TOP1: variants seen among roughly 807,000 people sequenced by gnomAD.
The protein encoded by TOP1 is DNA topoisomerase I, also known as DNA topoisomerase 1.
TOP1 carries 10 observed loss-of-function variants against 111.1 expected under a neutral mutation model. The observed-to-expected ratio is 0.09, with a 90% confidence interval of 0.06 to 0.15. The LOEUF is 0.15. Among genes scored for constraint, TOP1 ranks in the 10% least tolerant of loss-of-function variants. TOP1 has a pLI of 1.00. For missense variants in TOP1, 474 were observed against 926.7 expected, an observed-to-expected ratio of 0.51 and a Z score of 6.34; for synonymous variants, 271 against 302.9, an observed-to-expected ratio of 0.89 and a Z score of 1.10.
chr20:41,121,572 T>G lies in TOP1; in HGVS notation c.1951-124T>G, dbSNP rs1365134008. 1 of 758,144 alleles carries G rather than the reference T, an allele frequency of 1.3e-6. No individual in the cohort carries two copies. Among genetic ancestry groups the G allele is most frequent in the East Asian group, 2.5e-5 (1 of 40,592 alleles). 47.0% of individuals were successfully genotyped at this position (758,144 alleles called of 1,614,324 possible). A position where few individuals can be genotyped will look rare whatever the true frequency, so the allele number is the denominator to read the frequency against. The stretch of plus-strand genomic sequence containing the variant: ...CCTGCCTTCATGAAGCCACCCTTGT[T>G]TTTTTTTATCTGACAAACCACTGAC... On this transcript the variant is annotated intron_variant, in intron 18 of 20. Coordinates refer to ENST00000361337, the MANE Select transcript of TOP1 (RefSeq NM_003286.4). The surrounding 1 kb of genome is among the most constrained non-coding windows in gnomAD (Gnocchi z 4.2).
intron 9 of TOP1, among the ~76,000 whole-genome samples, chr20:41,093,022 T>A (rs1421924314): frequency 6.6e-6 from 1 of 152,242 alleles, no homozygotes; most frequent in Non-Finnish European, 1.5e-5. Context: ...CGAGGATTAA[T>A]AGTCTGCCAT....
intron 7 of TOP1, among the ~76,000 whole-genome samples, chr20:41,081,967 T>C (rs2033794301): frequency 6.6e-6 from 1 of 152,234 alleles, no homozygotes; most frequent in Non-Finnish European, 1.5e-5. Flanking sequence ...TTGTGGTAGA[T>C]TGAAAATAGA....
chr20:41,043,460 T>A (rs974263221), intron 2 of TOP1, among the ~76,000 whole-genome samples: 2 of 152,340 alleles, frequency 1.3e-5, no homozygotes, highest in African/African-American at 2.4e-5. Context: ...GAAAGGTTTC[T>A]TGTATTTCTA....
chr20:41,032,942 C>G lies in TOP1; in HGVS notation c.58+3487C>G, dbSNP rs2033138895. Among the ~76,000 whole-genome samples, 2 of 152,246 alleles carry G rather than the reference C, an allele frequency of 1.3e-5. No homozygotes were observed. The highest frequency in any genetic ancestry group is 1.3e-4 in the Admixed American group (2 of 15,290). On this transcript the variant is annotated intron_variant, in intron 2 of 20. Coordinates refer to ENST00000361337, the MANE Select transcript of TOP1 (RefSeq NM_003286.4). This position sits in a 1 kb window ranked among gnomAD's most constrained non-coding sequence, Gnocchi z 4.3. ...ATGAAATCTGCAGCATCCTCAGACTCAATCAGGAAATACTTAAGCATTATG... is the reference window on the plus strand; with the variant it reads ...ATGAAATCTGCAGCATCCTCAGACTGAATCAGGAAATACTTAAGCATTATG...
rs370571587 is a variant in TOP1 at position 41,100,289 on chromosome 20, G to A, written c.1163+46G>A. The A allele has an allele frequency of 3.1e-5, 46 of 1,493,840 alleles. No homozygotes were observed. The African/African-American group carries it at 3.2e-4, about 10-fold the overall frequency. 92.5% of individuals were successfully genotyped at this position (1,493,840 alleles called of 1,614,324 possible). On this transcript the variant is annotated intron_variant, in intron 12 of 20. Coordinates refer to ENST00000361337, the MANE Select transcript of TOP1 (RefSeq NM_003286.4). The surrounding 1 kb of genome is among the most constrained non-coding windows in gnomAD (Gnocchi z 4.4). ...ATGGGCCAAAAAGGGGGTGGAGGGC[G>A]TCCTTTATTGTACTTGGGAATATTT...
rs924927153 is a variant in TOP1 at position 41,083,609 on chromosome 20, A to G, written c.508-853A>G. Among the ~76,000 whole-genome samples, 1 of 152,208 alleles carries G rather than the reference A, an allele frequency of 6.6e-6. No individual in the cohort carries two copies. Among genetic ancestry groups the G allele is most frequent in the Non-Finnish European group, 1.5e-5 (1 of 68,028 alleles). ...CACTTTCCAGCTGTGCCACTCTTTA[A>G]TTGATTTTAAGATGGTTCAAAACCA... On this transcript the variant is annotated intron_variant, in intron 7 of 20. Transcript: ENST00000361337. This position sits in a 1 kb window ranked among gnomAD's most constrained non-coding sequence, Gnocchi z 7.2.
intron 2 of TOP1, among the ~76,000 whole-genome samples, chr20:41,051,558 C>T (rs2033405728): frequency 1.3e-5 from 2 of 152,200 alleles, no homozygotes; most frequent in African/African-American, 4.8e-5. Context: ...TGTTAGCCAC[C>T]TGCTGACCAC....
chr20:41,091,922 C>T (rs574882106), intron 8 of TOP1, among the ~76,000 whole-genome samples: 17 of 152,236 alleles, frequency 1.1e-4, no homozygotes, highest in African/African-American at 1.7e-4. Flanking sequence ...AAGTTGTTCC[C>T]ACTGAGCTTT....
intron 18 of TOP1, among the ~76,000 whole-genome samples, chr20:41,120,808 C>T (rs977369798): frequency 3.3e-5 from 5 of 152,184 alleles, no homozygotes; most frequent in Admixed American, 3.3e-4. Context: ...GGGGCATGAT[C>T]TCGGCTCACT....
rs2034414661 is a variant in TOP1 at position 41,121,011 on chromosome 20, G to A, written c.1951-685G>A. The stretch of plus-strand genomic sequence containing the variant: ...CCTCCTCAGCCTCCCCAAAGTGCTG[G>A]GATTACAGGCGTGAGACACCGCGCC... On this transcript the variant is annotated intron_variant, in intron 18 of 20. Transcript: ENST00000361337. The surrounding 1 kb of genome is among the most constrained non-coding windows in gnomAD (Gnocchi z 4.2). 6.6e-6 allele frequency among the ~76,000 whole-genome samples: 1 copy of A among 152,174 alleles called. No individual in the cohort carries two copies. Among genetic ancestry groups the A allele is most frequent in the South Asian group, 2.1e-4 (1 of 4,834 alleles).
chr20:41,099,141 G>A (rs975381865), intron 11 of TOP1, among the ~76,000 whole-genome samples: 3 of 152,156 alleles, frequency 2.0e-5, no homozygotes, highest in African/African-American at 4.8e-5. Flanking sequence ...GCGTGTTTAC[G>A]TAATTCAGAC....
intron 2 of TOP1, among the ~76,000 whole-genome samples, chr20:41,031,921 A>G (rs2033124705): frequency 6.6e-6 from 1 of 152,246 alleles, no homozygotes; most frequent in African/African-American, 2.4e-5. Context: ...CTGCCACCAT[A>G]AAGTTCTGAC....
At chr20:41,039,611 A>G (rs2033234684) in intron 2 of TOP1, among the ~76,000 whole-genome samples, 1 of 152,122 alleles carries the variant, frequency 6.6e-6, no homozygotes, top group Non-Finnish European at 1.5e-5. Context: ...TGAATTTTAG[A>G]AAAATAGTTT....
chr20:41,121,475 G>A lies in TOP1; in HGVS notation c.1951-221G>A, dbSNP rs946483587. Among the ~76,000 whole-genome samples, 18 of 152,214 alleles carry A rather than the reference G, an allele frequency of 1.2e-4. No homozygotes were observed. The highest frequency in any genetic ancestry group is 4.3e-4 in the African/African-American group (18 of 41,462). ...CCCTGAGCCCCTAGGTTACTGCCCT[G>A]TAAAACCCTTGTTTCTTTCCAGATC... On this transcript the variant is annotated intron_variant, in intron 18 of 20. Transcript: ENST00000361337. The surrounding 1 kb of genome is among the most constrained non-coding windows in gnomAD (Gnocchi z 4.2).
At position 41,110,040 on chromosome 20, in the gene TOP1, A is replaced by ACT. The variant is rs2034209554; in HGVS notation, c.1309-2739_1309-2738dup. On this transcript the variant is annotated intron_variant, in intron 13 of 20. Transcript: ENST00000361337. This position sits in a 1 kb window ranked among gnomAD's most constrained non-coding sequence, Gnocchi z 4.2. ...GTTGGTGCATGCCTGTAATCCAAGC[A>ACT]CTCTGGGAGGCCAAGGCGGGTGGAT... Among the ~76,000 whole-genome samples the ACT allele has an allele frequency of 2.6e-5, 4 of 152,224 alleles. No individual in the cohort carries two copies. Among genetic ancestry groups the ACT allele is most frequent in the Admixed American group, 2.0e-4 (3 of 15,282 alleles).
At chr20:41,044,236 A>G (rs1037690972) in intron 2 of TOP1, among the ~76,000 whole-genome samples, 5 of 152,178 alleles carry the variant, frequency 3.3e-5, no homozygotes, top group African/African-American at 1.2e-4. Context: ...AGATCATGCC[A>G]TTGCACTCCA....
At position 41,106,712 on chromosome 20, in the gene TOP1, C is replaced by G. The variant is rs145892004; in HGVS notation, c.1308+5359C>G. Among the ~76,000 whole-genome samples the G allele has an allele frequency of 6.8e-3, 1,035 of 151,950 alleles. 8 individuals are homozygous for G. The highest frequency in any genetic ancestry group is 0.024 in the African/African-American group (977 of 41,450). On this transcript the variant is annotated intron_variant, in intron 13 of 20. Coordinates refer to ENST00000361337, the MANE Select transcript of TOP1 (RefSeq NM_003286.4). The surrounding 1 kb of genome is among the most constrained non-coding windows in gnomAD (Gnocchi z 4.3). ...GTTGGTTATTCCTGAAGTGGTAATGCTTATAATTTTGGGGTGTTGGTCTTG... is the reference window on the plus strand; with the variant it reads ...GTTGGTTATTCCTGAAGTGGTAATGGTTATAATTTTGGGGTGTTGGTCTTG...
At chr20:41,037,197 G>C (rs1481379048) in intron 2 of TOP1, among the ~76,000 whole-genome samples, 1 of 152,138 alleles carries the variant, frequency 6.6e-6, no homozygotes, top group Non-Finnish European at 1.5e-5. Context: ...TAGCAGTACA[G>C]AAGATGGGCT....
At position 41,094,084 on chromosome 20, in the gene TOP1, C is replaced by T. The variant is rs557028536; in HGVS notation, c.730+1497C>T. Among the ~76,000 whole-genome samples the T allele has an allele frequency of 1.1e-4, 17 of 152,090 alleles. 1 individual carries two copies. The South Asian group carries it at 3.5e-3, about 32-fold the overall frequency. On this transcript the variant is annotated intron_variant, in intron 9 of 20. Transcript: ENST00000361337. The surrounding 1 kb of genome is among the most constrained non-coding windows in gnomAD (Gnocchi z 4.4). ...TAAAATAATAAATAAATAAATAAAA[C>T]ATATTTATTGAATGTATTTGTGGTC...
Sources: gnomAD v4.1 joint callset for allele counts (sites outside exome capture counted in the v4.1 genomes callset) on GRCh38, gnomAD v4.1.1 for gene constraint, Gnocchi (gnomAD v3.1) non-coding constraint, MANE v1.5 for transcripts, NCBI Gene and HGNC (gene_info 2026-07-23, HGNC 2026-07-21) for gene names.